The following PEBP4 variants were observed in gnomAD, a reference collection of about 807,000 sequenced individuals.
PEBP4 encodes the protein phosphatidylethanolamine binding protein 4, also known as phosphatidylethanolamine-binding protein 4.
A neutral mutation model predicts 23.9 loss-of-function variants in PEBP4; 22 were observed. The observed-to-expected ratio is 0.92, with a 90% confidence interval of 0.66 to 1.31. The LOEUF (loss-of-function observed/expected upper bound fraction) is 1.31, where lower values mean the gene tolerates loss of function less well. Ranked by LOEUF, PEBP4 falls within the 40% of genes most tolerant of loss-of-function variation. The pLI is 0.00. For synonymous variants in PEBP4, 112 were observed against 99.3 expected (o/e 1.13, Z -0.76); for missense variants, 324 against 281.7 (o/e 1.15, Z -1.07).
chr8:22,868,776 C>T (rs896082494), intron 3 of PEBP4, among the ~76,000 whole-genome samples: 6 of 152,148 alleles, frequency 3.9e-5, no homozygotes, highest in Admixed American at 6.5e-5. Flanking sequence ...CACGTCTCAC[C>T]GACTTCACCT....
At chr8:22,884,740 A>AT (rs1268822521) in intron 3 of PEBP4, 4 of 152,056 alleles carry the variant, frequency 2.6e-5, no homozygotes, top group Non-Finnish European at 5.9e-5. Context: ...CATAAGTTCA[A>AT]TTCAACATCC....
intron 3 of PEBP4, among the ~76,000 whole-genome samples, chr8:22,877,469 G>A (rs1312659838): frequency 6.6e-6 from 1 of 152,118 alleles, no homozygotes; most frequent in African/African-American, 2.4e-5. Flanking sequence ...TACATTCTTG[G>A]GCAGAGCCAG....
Position 22,907,354 on chromosome 8 carries a change from A to T in PEBP4, c.258+12830T>A, listed in dbSNP as rs146928740. Among the ~76,000 whole-genome samples, 919 of 152,284 alleles carry T rather than the reference A, an allele frequency of 6.0e-3. 35 individuals are homozygous for T. Among genetic ancestry groups the T allele is most frequent in the Admixed American group, 0.051 (777 of 15,298 alleles). ...TGGTGAAACCCTGTCTTTACTAAAA[A>T]TACAAAAATTAGCCAGGTGTGGTGG... On this transcript the variant is annotated intron_variant, in intron 3 of 6. Coordinates refer to ENST00000256404, the MANE Select transcript of PEBP4 (RefSeq NM_144962.3).
chr8:22,853,906 C>T (rs142083496), intron 3 of PEBP4, among the ~76,000 whole-genome samples: 59 of 152,330 alleles, frequency 3.9e-4, no homozygotes, highest in Admixed American at 7.2e-4. Flanking sequence ...ATTATGCCAA[C>T]TGCTTATTGT....
chr8:22,739,927 C>A (rs1210271401), intron 4 of PEBP4, among the ~76,000 whole-genome samples: 1 of 152,214 alleles, frequency 6.6e-6, no homozygotes, highest in African/African-American at 2.4e-5. Flanking sequence ...GGGTGCCCAA[C>A]AGCCAAGAGC....
At position 22,797,111 on chromosome 8, in the gene PEBP4, G is replaced by A. The variant is rs141717416; in HGVS notation, c.357+20526C>T. On this transcript the variant is annotated intron_variant, in intron 4 of 6. Coordinates refer to ENST00000256404, the MANE Select transcript of PEBP4 (RefSeq NM_144962.3). ...TCTCTACTAAAAATGAAAATCAGCCGGGCATGGTGGCACATGCCTGTAATC... is the reference window on the plus strand; with the variant it reads ...TCTCTACTAAAAATGAAAATCAGCCAGGCATGGTGGCACATGCCTGTAATC... Among the ~76,000 whole-genome samples, 41 of 151,906 alleles carry A rather than the reference G, an allele frequency of 2.7e-4. No individual in the cohort carries two copies. The East Asian group carries it at 7.0e-3, about 26-fold the overall frequency.
chr8:22,924,317 T>A (rs1179348662), intron 2 of PEBP4, among the ~76,000 whole-genome samples: 1 of 152,118 alleles, frequency 6.6e-6, no homozygotes, highest in African/African-American at 2.4e-5. Flanking sequence ...TGAGCTATGA[T>A]CAGGCCACTG....
chr8:22,722,701 C>T lies in PEBP4; in HGVS notation c.517+2142G>A, dbSNP rs567719787. On this transcript the variant is annotated intron_variant, in intron 6 of 6. Transcript: ENST00000256404. ...GTCTCCTCTGAAGTTCCCAGCACAGCGCTGGGCACATGGAAGGCATCACAT... is the reference window on the plus strand; with the variant it reads ...GTCTCCTCTGAAGTTCCCAGCACAGTGCTGGGCACATGGAAGGCATCACAT... Among the ~76,000 whole-genome samples, 15 of 152,212 alleles carry T rather than the reference C, an allele frequency of 9.9e-5. No individual in the cohort carries two copies. In the East Asian group the frequency reaches 2.7e-3, roughly 27 times the overall value.
chr8:22,752,977 C>G (rs1407163430), intron 4 of PEBP4, among the ~76,000 whole-genome samples: 2 of 152,184 alleles, frequency 1.3e-5, no homozygotes, highest in Non-Finnish European at 2.9e-5. Context: ...GCTATGTCTC[C>G]TCTTTTCCCC....
At chr8:22,806,078 T>C (rs1448073129) in intron 4 of PEBP4, among the ~76,000 whole-genome samples, 4 of 152,216 alleles carry the variant, frequency 2.6e-5, no homozygotes, top group Admixed American at 1.3e-4. Context: ...CAAAACTAGC[T>C]AAAACTCCTC....
intron 4 of PEBP4, among the ~76,000 whole-genome samples, chr8:22,728,974 C>T (rs4409399): frequency 0.14 from 21,213 of 152,204 alleles, 1,909 homozygotes; most frequent in Middle Eastern, 0.21. Context: ...GGGCAGCCTT[C>T]AACATCAGGT....
intron 3 of PEBP4, among the ~76,000 whole-genome samples, chr8:22,851,404 G>C (rs1807546723): frequency 6.6e-6 from 1 of 152,082 alleles, no homozygotes; most frequent in Admixed American, 6.6e-5. Context: ...AAGTGCTTTG[G>C]GGCCCTCAGT....
intron 3 of PEBP4, among the ~76,000 whole-genome samples, chr8:22,823,332 A>G (rs1346861102): frequency 2.0e-5 from 3 of 151,996 alleles, no homozygotes; most frequent in Non-Finnish European, 4.4e-5. Context: ...ACACCAGAAA[A>G]CTTCCATATT....
chr8:22,804,863 C>T (rs1191447859), intron 4 of PEBP4, among the ~76,000 whole-genome samples: 1 of 152,158 alleles, frequency 6.6e-6, no homozygotes, highest in Non-Finnish European at 1.5e-5. Context: ...CCTGCTGCAG[C>T]CACACCAGTC....
At chr8:22,806,436 G>A (rs537617650) in intron 4 of PEBP4, among the ~76,000 whole-genome samples, 10 of 152,092 alleles carry the variant, frequency 6.6e-5, no homozygotes, top group Non-Finnish European at 1.3e-4. Context: ...GGCCAACAAG[G>A]TGAAACCGTC....
chr8:22,901,025 A>C (rs1037207832), intron 3 of PEBP4, among the ~76,000 whole-genome samples: 1 of 152,198 alleles, frequency 6.6e-6, no homozygotes, highest in Admixed American at 6.5e-5. Flanking sequence ...TTTAAAAATA[A>C]TTTTAGCAGT....
chr8:22,795,156 T>TAC (rs1806219547), intron 4 of PEBP4, among the ~76,000 whole-genome samples: 1 of 36,084 alleles, frequency 2.8e-5, no homozygotes, highest in East Asian at 9.4e-4. Context: ...TATATATATA[T>TAC]ATATATATTT....
chr8:22,911,957 C>T (rs762455618), intron 3 of PEBP4, among the ~76,000 whole-genome samples: 9 of 152,148 alleles, frequency 5.9e-5, no homozygotes, highest in African/African-American at 9.7e-5. Flanking sequence ...TGGATGTCAG[C>T]GGCCCAATCG....
At chr8:22,878,703 G>T (rs948231954) in intron 3 of PEBP4, among the ~76,000 whole-genome samples, 1 of 152,212 alleles carries the variant, frequency 6.6e-6, no homozygotes, top group Non-Finnish European at 1.5e-5. Flanking sequence ...CCAAACAGGG[G>T]TGCATTCCCT....
Sources: allele counts gnomAD v4.1 joint callset (sites outside exome capture counted in the v4.1 genomes callset), GRCh38; gene constraint gnomAD v4.1.1; transcripts MANE v1.5; gene names NCBI Gene and HGNC (gene_info 2026-07-23, HGNC 2026-07-21).